MBOAT2: variants seen among roughly 807,000 people sequenced by gnomAD.
MBOAT2 encodes the protein membrane bound glycerophospholipid O-acyltransferase 2.
A neutral mutation model predicts 63.4 loss-of-function variants in MBOAT2; 28 were observed. The ratio of observed to expected loss-of-function variants is 0.44; its 90% CI spans 0.33 to 0.61. MBOAT2 has a LOEUF of 0.61. Among genes scored for constraint, MBOAT2 ranks in the 20% least tolerant of loss-of-function variants. The pLI, the probability that MBOAT2 is intolerant of heterozygous loss-of-function variation, is 0.03. For missense variants in MBOAT2, 470 were observed against 605.8 expected (o/e 0.78, Z 2.35); for synonymous variants, 211 against 215.6 (o/e 0.98, Z 0.19).
chr2:8,921,825 C>T (rs944333203), intron 3 of MBOAT2, among the ~76,000 whole-genome samples: 1 of 152,156 alleles, frequency 6.6e-6, no homozygotes, highest in Non-Finnish European at 1.5e-5. Flanking sequence ...TCGTCTTTGT[C>T]TTTCAGCAGT....
rs535640786 is a variant in MBOAT2 at position 8,857,887 on chromosome 2, T to C, written c.*792A>G. 2 of 152,446 alleles carry C rather than the reference T, an allele frequency of 1.3e-5. No individual in the cohort carries two copies. Among genetic ancestry groups the C allele is most frequent in the African/African-American group, 4.8e-5 (2 of 41,582 alleles). 9.4% of individuals were successfully genotyped at this position (152,446 alleles called of 1,614,324 possible). ...CATTCCACCGGAGGCCACGCAGTGC[T>C]TCTTCATTCCTGCCTTCCTTCGTCA... On this transcript the variant is annotated 3_prime_UTR_variant, in exon 13 of 13. Coordinates refer to ENST00000305997, the MANE Select transcript of MBOAT2 (RefSeq NM_138799.4).
intron 1 of MBOAT2, among the ~76,000 whole-genome samples, chr2:8,963,131 G>T (rs568944169): frequency 1.5e-4 from 23 of 151,826 alleles, no homozygotes; most frequent in African/African-American, 5.1e-4. Context: ...CCCAGCTACT[G>T]GGGAGGTGAG....
chr2:8,948,587 T>C (rs1414573643), intron 2 of MBOAT2, among the ~76,000 whole-genome samples: 1 of 152,186 alleles, frequency 6.6e-6, no homozygotes, highest in East Asian at 1.9e-4. Context: ...AGTGAGACCA[T>C]GCAATATTTG....
At chr2:8,904,627 T>G (rs1481956425) in intron 4 of MBOAT2, among the ~76,000 whole-genome samples, 2 of 152,198 alleles carry the variant, frequency 1.3e-5, no homozygotes, top group Non-Finnish European at 1.5e-5. Context: ...CTGAGTTTTA[T>G]TATTCAAACA....
chr2:8,984,398 C>T (rs889400514), intron 1 of MBOAT2, among the ~76,000 whole-genome samples: 4 of 152,102 alleles, frequency 2.6e-5, no homozygotes, highest in Non-Finnish European at 4.4e-5. Context: ...TGTTTATTAC[C>T]ACATACATAC....
intron 4 of MBOAT2, among the ~76,000 whole-genome samples, chr2:8,893,214 A>C (rs571448205): frequency 3.3e-5 from 5 of 152,020 alleles, no homozygotes; most frequent in African/African-American, 1.2e-4. Context: ...GGGATTCGAT[A>C]ATGTATCCAA....
At chr2:8,893,601 G>C (rs138007429) in intron 4 of MBOAT2, among the ~76,000 whole-genome samples, 1 of 152,324 alleles carries the variant, frequency 6.6e-6, no homozygotes, top group African/African-American at 2.4e-5. Flanking sequence ...GAAGCCAGTG[G>C]CGCTGAAGGG....
chr2:8,876,836 T>A (rs1295011873), intron 7 of MBOAT2, among the ~76,000 whole-genome samples, 194 bp downstream of exon 7: 1 of 152,222 alleles, frequency 6.6e-6, no homozygotes, highest in Admixed American at 6.5e-5. Flanking sequence ...ATTTACCACA[T>A]AGTTTCTCAA....
chr2:8,995,818 C>T (rs953356782), intron 1 of MBOAT2, among the ~76,000 whole-genome samples: 5 of 152,180 alleles, frequency 3.3e-5, no homozygotes, highest in Non-Finnish European at 5.9e-5. Flanking sequence ...GTCTCGATCT[C>T]CTGACCTTGT....
chr2:8,891,646 C>T (rs187955956), intron 4 of MBOAT2, among the ~76,000 whole-genome samples: 38 of 152,242 alleles, frequency 2.5e-4, no homozygotes, highest in African/African-American at 9.1e-4. Context: ...ATTAATGGAG[C>T]TTCAGTATCT....
In MBOAT2 at chr2:8,998,131, T is replaced by C. The variant is rs6713161; in HGVS notation, c.75+5409A>G. 2.6e-5 allele frequency among the ~76,000 whole-genome samples: 4 copies of C among 152,052 alleles called. No homozygotes were observed. The East Asian group carries it at 5.8e-4, about 22-fold the overall frequency. On this transcript the variant is annotated intron_variant, in intron 1 of 12. Transcript: ENST00000305997. ...ATTTTAAAACTAAGCCCAACACACA[T>C]AGAGGAGGAAACTCATTCATGTATA...
chr2:8,948,100 T>C (rs1217471907), intron 2 of MBOAT2, among the ~76,000 whole-genome samples: 2 of 152,168 alleles, frequency 1.3e-5, no homozygotes, highest in Non-Finnish European at 2.9e-5. Flanking sequence ...CCAACCCTCA[T>C]GGATGACATT....
At chr2:8,883,972 C>T (rs553406799) in intron 5 of MBOAT2, among the ~76,000 whole-genome samples, 85 of 151,168 alleles carry the variant, frequency 5.6e-4, no homozygotes, top group African/African-American at 2.0e-3. Context: ...CTTGTAATCC[C>T]AGTACTTTGG....
At chr2:8,994,509 G>C (rs556466428) in intron 1 of MBOAT2, among the ~76,000 whole-genome samples, 11 of 152,220 alleles carry the variant, frequency 7.2e-5, no homozygotes, top group Admixed American at 2.0e-4. Flanking sequence ...AGGCTGGTTA[G>C]TCCAGAGCAA....
intron 8 of MBOAT2, among the ~76,000 whole-genome samples, chr2:8,870,313 A>G (rs1373816240): frequency 2.0e-5 from 3 of 152,316 alleles, no homozygotes; most frequent in African/African-American, 7.2e-5. Context: ...AGCCTGAATT[A>G]AGGAATTAAA....
chr2:8,968,885 G>C (rs1034251910), intron 1 of MBOAT2, among the ~76,000 whole-genome samples: 6 of 152,140 alleles, frequency 3.9e-5, no homozygotes, highest in South Asian at 2.1e-4. Flanking sequence ...TATGTGAAAA[G>C]ACCAAATCTA....
Position 8,889,070 on chromosome 2 carries a change from G to A in MBOAT2, c.396-997C>T, listed in dbSNP as rs370832352. Among the ~76,000 whole-genome samples the A allele has an allele frequency of 7.1e-4, 108 of 152,206 alleles. 2 individuals are homozygous for A. Among genetic ancestry groups the A allele is most frequent in the African/African-American group, 2.6e-3 (107 of 41,516 alleles). On this transcript the variant is annotated intron_variant, in intron 4 of 12. Transcript: ENST00000305997. ...ACATGCAGAGGAGAACATGTTTCACGGAATCCTGAGGACAGTGTGGCGCAC... is the reference window on the plus strand; with the variant it reads ...ACATGCAGAGGAGAACATGTTTCACAGAATCCTGAGGACAGTGTGGCGCAC...
At chr2:8,928,959 G>C (rs1488219186) in intron 3 of MBOAT2, among the ~76,000 whole-genome samples, 3 of 152,218 alleles carry the variant, frequency 2.0e-5, no homozygotes, top group Non-Finnish European at 2.9e-5. Flanking sequence ...GACTGATCCA[G>C]AGGATGGTAA....
intron 2 of MBOAT2, among the ~76,000 whole-genome samples, chr2:8,952,615 C>T (rs964335285): frequency 1.3e-5 from 2 of 152,146 alleles, no homozygotes; most frequent in African/African-American, 2.4e-5. Context: ...CACATGTACA[C>T]ACTAGGATAG....
Sources: gnomAD v4.1 joint callset for allele counts (sites outside exome capture counted in the v4.1 genomes callset) on GRCh38, gnomAD v4.1.1 for gene constraint, MANE v1.5 for transcripts, NCBI Gene and HGNC (gene_info 2026-07-23, HGNC 2026-07-21) for gene names.